Variants in CLIP1 observed in about 807,000 individuals in gnomAD.
The protein encoded by CLIP1 is CAP-Gly domain-containing linker protein 1.
A neutral mutation model predicts 161.6 loss-of-function variants in CLIP1; 66 were observed. The observed-to-expected ratio is 0.41, with a 90% CI of 0.33 to 0.50. CLIP1 has a LOEUF of 0.50. Among genes scored for constraint, CLIP1 ranks in the 20% least tolerant of loss-of-function variants. The pLI, the probability that CLIP1 is intolerant of heterozygous loss-of-function variation, is 0.27. For synonymous variants in CLIP1, 598 were observed against 626.2 expected, an observed-to-expected ratio of 0.96 and a Z score of 0.67; for missense variants, 1,376 against 1,702.0, an observed-to-expected ratio of 0.81 and a Z score of 3.37.
intron 7 of CLIP1, 72 bp from the exon 8 acceptor site, chr12:122,352,858 C>T: frequency 7.3e-7 from 1 of 1,377,328 alleles, no homozygotes; most frequent in Non-Finnish European, 1.0e-6. Flanking sequence ...ACAAAACAAA[C>T]AAACAAAAAA....
intron 5 of CLIP1, among the ~76,000 whole-genome samples, chr12:122,360,410 C>CAAAAAAAAA: frequency 2.3e-5 from 2 of 87,362 alleles, no homozygotes; most frequent in African/African-American, 4.5e-5. Context: ...CCTCTCTCTA[C>CAAAAAAAAA]AAAAAAAAAA....
intron 15 of CLIP1, among the ~76,000 whole-genome samples, chr12:122,331,971 G>A (rs2136271432): frequency 6.6e-6 from 1 of 151,316 alleles, no homozygotes; most frequent in East Asian, 2.0e-4. Flanking sequence ...TTCCAGCCTG[G>A]ACCACAGAAT....
At chr12:122,358,621 T>C (rs1020802406) in intron 5 of CLIP1, among the ~76,000 whole-genome samples, 2 of 152,064 alleles carry the variant, frequency 1.3e-5, no homozygotes, top group Non-Finnish European at 2.9e-5. Flanking sequence ...AGTTTTCTCA[T>C]CTGTAAATTG....
intron 11 of CLIP1, among the ~76,000 whole-genome samples, chr12:122,339,681 C>A (rs965868073): frequency 6.6e-6 from 1 of 151,986 alleles, no homozygotes; most frequent in Admixed American, 6.6e-5. Flanking sequence ...TATACATAAC[C>A]CTATAGATAA....
At chr12:122,415,871 G>A (rs947334750) in intron 1 of CLIP1, among the ~76,000 whole-genome samples, 2 of 152,044 alleles carry the variant, frequency 1.3e-5, no homozygotes, top group African/African-American at 4.8e-5. Flanking sequence ...AAAAAGGACG[G>A]CTTTGTTACA....
At chr12:122,344,441 G>A (rs199587708) in intron 10 of CLIP1, among the ~76,000 whole-genome samples, 6 of 150,122 alleles carry the variant, frequency 4.0e-5, no homozygotes, top group Non-Finnish European at 5.9e-5. Flanking sequence ...CTAAATAAAA[G>A]AAAAAAAAAC....
chr12:122,411,191 G>A (rs1453336707), intron 1 of CLIP1, among the ~76,000 whole-genome samples: 11 of 152,112 alleles, frequency 7.2e-5, no homozygotes, highest in East Asian at 1.9e-4. Context: ...TGAGGTGGGC[G>A]GATCACCTGA....
At chr12:122,354,400 C>CA (rs897984467) in intron 7 of CLIP1, 53 bp downstream of exon 7, 228 of 1,414,060 alleles carry the variant, frequency 1.6e-4, no homozygotes, top group East Asian at 2.8e-4. Context: ...GTCTCAAAAA[C>CA]AAAAAAAAAG....
At chr12:122,331,092 G>A (rs972204275) in intron 15 of CLIP1, among the ~76,000 whole-genome samples, 10 of 151,140 alleles carry the variant, frequency 6.6e-5, no homozygotes, top group South Asian at 4.2e-4. Context: ...TCAGCTCACC[G>A]CAACCTCCAC....
In CLIP1 at chr12:122,340,871, G is replaced by A. The variant is rs1193926241; in HGVS notation, c.2333C>T (p.Ala778Val). The A allele has an allele frequency of 1.9e-6, 3 of 1,614,168 alleles. No individual in the cohort carries two copies. In the South Asian group the frequency reaches 3.3e-5, roughly 18 times the overall value. ...ACCTTCGGAACTGGCTTTCCGAAGT[G>A]CATCAAGATCCAAGAGCTTTTCTTC... ...ATEEKLLDLD[A>V]LRKASSEGKS... is the part of the protein sequence containing the mutation. The change falls in exon 11 of 26, where the codon GCA becomes GTA. Residue 778 changes from alanine to valine, a missense_variant. Transcript: ENST00000620786.
At chr12:122,386,742 G>A (rs1302953896) in intron 1 of CLIP1, among the ~76,000 whole-genome samples, 1 of 150,052 alleles carries the variant, frequency 6.7e-6, no homozygotes, top group East Asian at 2.0e-4. Context: ...GTTCACATCT[G>A]TAATCCCAAG....
intron 1 of CLIP1, among the ~76,000 whole-genome samples, chr12:122,411,538 A>G (rs1956533700): frequency 6.6e-6 from 1 of 152,212 alleles, no homozygotes. Context: ...ATTGGGGTAT[A>G]TCTACACAAC....
Position 122,351,111 on chromosome 12 carries a change from A to G in CLIP1, c.1401T>C (p.Asn467=). 1 of 1,535,248 alleles carries G rather than the reference A, an allele frequency of 6.5e-7. No individual in the cohort carries two copies. Among genetic ancestry groups the G allele is most frequent in the South Asian group, 1.2e-5 (1 of 80,054 alleles). The change falls in exon 9 of 26, where the codon AAT becomes AAC. Residue 467 remains asparagine (N), a splice_region_variant and synonymous_variant. Transcript: ENST00000620786. ...TCCACACAGTTAAGTGCCCTCTTAC[A>G]TTCTCAGGATCTTCAGAAATCTGGC... ...QKSQISEDPE[N]TQTKLEHARI...
chr12:122,289,363 G>A (rs995762158), intron 20 of CLIP1, among the ~76,000 whole-genome samples: 2 of 151,838 alleles, frequency 1.3e-5, no homozygotes, highest in African/African-American at 4.8e-5. Context: ...AGGTTGCAGT[G>A]AGCCAAGATT....
At chr12:122,318,260 C>T (rs367666404) in intron 18 of CLIP1, among the ~76,000 whole-genome samples, 15 of 152,134 alleles carry the variant, frequency 9.9e-5, no homozygotes, top group Non-Finnish European at 1.9e-4. Flanking sequence ...CTGGGCTGGG[C>T]GTGGTGGCTC....
intron 20 of CLIP1, among the ~76,000 whole-genome samples, chr12:122,289,935 A>G (rs900542117): frequency 6.6e-6 from 1 of 151,994 alleles, no homozygotes; most frequent in African/African-American, 2.4e-5. Context: ...CAGTCTCCCA[A>G]ATAGCTGGGA....
chr12:122,355,227 A>G lies in CLIP1; in HGVS notation c.1091T>C (p.Ile364Thr). 6.2e-7 allele frequency: 1 copy of G among 1,614,108 alleles called. No homozygotes were observed. The highest frequency in any genetic ancestry group is 8.5e-7 in the Non-Finnish European group (1 of 1,179,932). Residue 364 changes from isoleucine to threonine, a missense_variant, in exon 6 of 26, where the codon ATT becomes ACT. Coordinates refer to ENST00000620786, the MANE Select transcript of CLIP1 (RefSeq NM_001247997.2). The surrounding 1 kb of genome is among the most constrained non-coding windows in gnomAD (Gnocchi z 4.1). ...ATCCCGTTCCGCCAGCAGCTGCTCA[A>G]TGTGCTGCTGCTTCTCCTTCAGGGC... ...QEALKEKQQHIEQLLAERDLE... is the reference protein window; with the variant it reads ...QEALKEKQQHTEQLLAERDLE...
At chr12:122,410,024 C>A (rs1425337469) in intron 1 of CLIP1, among the ~76,000 whole-genome samples, 3 of 151,594 alleles carry the variant, frequency 2.0e-5, no homozygotes, top group Non-Finnish European at 4.4e-5. Flanking sequence ...GCGCCTGTCA[C>A]CATGCCTGGC....
chr12:122,330,320 G>C (rs962794391), intron 15 of CLIP1, among the ~76,000 whole-genome samples: 2 of 152,086 alleles, frequency 1.3e-5, no homozygotes, highest in African/African-American at 4.8e-5. Flanking sequence ...GACCAAAGTT[G>C]CCCAACCAAG....
Sources: allele counts gnomAD v4.1 joint callset (sites outside exome capture counted in the v4.1 genomes callset), GRCh38; gene constraint gnomAD v4.1.1; non-coding constraint Gnocchi (gnomAD v3.1); transcripts MANE v1.5; gene names NCBI Gene and HGNC (gene_info 2026-07-23, HGNC 2026-07-21).